Variants in SASH1 observed in about 807,000 individuals in gnomAD.
SASH1 encodes the protein SAM and SH3 domain containing 1.
Under a neutral mutation model 125.2 loss-of-function variants are expected in SASH1, and 44 were observed. The observed-to-expected ratio is 0.35, with a 90% CI of 0.28 to 0.45. The LOEUF is 0.45. Among genes scored for constraint, SASH1 ranks in the 20% least tolerant of loss-of-function variants. SASH1 has a pLI of 1.00. For missense variants in SASH1, 1,426 were observed against 1,614.5 expected (o/e 0.88, Z 2.00); for synonymous variants, 639 against 649.1 (o/e 0.98, Z 0.24).
chr6:148,536,261 A>C (rs540344976), intron 16 of SASH1, among the ~76,000 whole-genome samples: 1 of 152,176 alleles, frequency 6.6e-6, no homozygotes, highest in South Asian at 2.1e-4. Context: ...TATTGTCCCG[A>C]ACCACATCTG....
rs1227849391 is a variant in SASH1 at position 148,495,984 on chromosome 6, C to T, written c.729+8269C>T. On this transcript the variant is annotated intron_variant, in intron 8 of 19. Transcript: ENST00000367467. The surrounding 1 kb of genome is among the most constrained non-coding windows in gnomAD (Gnocchi z 4.0). ...CAGAGTAGCTGGGATTACAGGCGCA[C>T]GCCATCACGCCTGGCTAATTTTTTT... Among the ~76,000 whole-genome samples the T allele has an allele frequency of 4.0e-5, 6 of 151,322 alleles. No homozygotes were observed. Among genetic ancestry groups the T allele is most frequent in the Non-Finnish European group, 5.9e-5 (4 of 67,902 alleles).
chr6:148,426,658 G>C (rs1775837611), intron 2 of SASH1, among the ~76,000 whole-genome samples: 1 of 152,060 alleles, frequency 6.6e-6, no homozygotes, highest in Non-Finnish European at 1.5e-5. Flanking sequence ...GTGCGTGTCT[G>C]TTTCACTGTT....
intron 1 of SASH1, among the ~76,000 whole-genome samples, chr6:148,387,543 T>A (rs1405161902): frequency 6.9e-6 from 1 of 145,082 alleles, no homozygotes; most frequent in African/African-American, 2.6e-5. Context: ...TCTTTCTTTC[T>A]TTTCTTTTCC....
At chr6:148,520,772 T>C (rs1269068023) in intron 10 of SASH1, among the ~76,000 whole-genome samples, 1 of 152,184 alleles carries the variant, frequency 6.6e-6, no homozygotes, top group African/African-American at 2.4e-5. Context: ...AAAGAGATGC[T>C]TGCTCTTGGT....
chr6:148,397,953 G>A (rs796226584), intron 2 of SASH1, among the ~76,000 whole-genome samples: 29 of 152,298 alleles, frequency 1.9e-4, no homozygotes, highest in African/African-American at 6.7e-4. Flanking sequence ...CAGGAGTACA[G>A]AAGAGGGTCC....
chr6:148,261,159 C>A, the SASH1 span, among the ~76,000 whole-genome samples: 1 of 152,138 alleles, frequency 6.6e-6, no homozygotes, highest in Non-Finnish European at 1.5e-5. Flanking sequence ...TTGAGTTAAT[C>A]ACCATGAAGA....
chr6:148,440,704 G>A (rs2115004537), intron 4 of SASH1: 1 of 349,716 alleles, frequency 2.9e-6, no homozygotes, highest in Admixed American at 4.3e-5. Context: ...TAACCAAGAT[G>A]GATTTTCATC....
At chr6:148,514,583 T>G in intron 9 of SASH1, 127 bp downstream of exon 9, 475 of 1,005,110 alleles carry the variant, frequency 4.7e-4, no homozygotes, top group Non-Finnish European at 5.5e-4. Flanking sequence ...CATTGAGCTC[T>G]GGCTGAATCT....
chr6:148,233,671 G>A, the SASH1 span, among the ~76,000 whole-genome samples: 3 of 144,012 alleles, frequency 2.1e-5, no homozygotes, highest in South Asian at 6.6e-4. Context: ...AAAGAGGGAG[G>A]ATTGCTTGAG....
chr6:148,362,495 A>G (rs112839401), intron 1 of SASH1, among the ~76,000 whole-genome samples: 9 of 151,642 alleles, frequency 5.9e-5, no homozygotes, highest in African/African-American at 1.7e-4. Flanking sequence ...ACAAGGCCTC[A>G]GTCTAATGCC....
chr6:148,517,886 T>G (rs1398603739), intron 9 of SASH1, among the ~76,000 whole-genome samples: 1 of 152,186 alleles, frequency 6.6e-6, no homozygotes, highest in Admixed American at 6.5e-5. Context: ...CTGAAACCCC[T>G]TAGGACTGTG....
intron 1 of SASH1, among the ~76,000 whole-genome samples, chr6:148,275,250 T>C (rs1562301010): frequency 6.6e-6 from 1 of 152,200 alleles, no homozygotes; most frequent in African/African-American, 2.4e-5. Context: ...CTCAAGAGCA[T>C]TTTTAATATC....
At chr6:148,496,377 T>C (rs1385757473) in intron 8 of SASH1, among the ~76,000 whole-genome samples, 1 of 152,254 alleles carries the variant, frequency 6.6e-6, no homozygotes, top group Non-Finnish European at 1.5e-5. Context: ...CTTAGGCTCA[T>C]GTTCTTCAGT....
At chr6:148,345,860 G>T (rs185874109) in intron 1 of SASH1, among the ~76,000 whole-genome samples, 1 of 152,128 alleles carries the variant, frequency 6.6e-6, no homozygotes, top group Non-Finnish European at 1.5e-5. Context: ...ATGTCATGAC[G>T]CTCCATAGTT....
intron 2 of SASH1, among the ~76,000 whole-genome samples, chr6:148,425,219 C>T (rs1362823054): frequency 2.0e-5 from 3 of 152,122 alleles, no homozygotes; most frequent in Non-Finnish European, 4.4e-5. Flanking sequence ...ACTGCATGCA[C>T]AAGGCTGCAC....
At chr6:148,386,682 C>T (rs1362260533) in intron 1 of SASH1, among the ~76,000 whole-genome samples, 1 of 152,182 alleles carries the variant, frequency 6.6e-6, no homozygotes, top group African/African-American at 2.4e-5. Context: ...CATCACGTTC[C>T]TGAGACCAAG....
At chr6:148,319,098 TCTCGGCTCA>T (rs1380660158) in intron 1 of SASH1, among the ~76,000 whole-genome samples, 1 of 134,456 alleles carries the variant, frequency 7.4e-6, no homozygotes, top group Non-Finnish European at 1.5e-5. Context: ...AGTGGCGCGA[TCTCGGCTCA>T]CTGCAAGCTC....
the SASH1 span, among the ~76,000 whole-genome samples, chr6:148,264,862 T>C: frequency 6.6e-6 from 1 of 152,266 alleles, no homozygotes; most frequent in African/African-American, 2.4e-5. Flanking sequence ...GCTATTGTTT[T>C]ACTAATCTGT....
intron 8 of SASH1, 187 bp from the exon 9 acceptor site, chr6:148,514,137 A>C: frequency 7.3e-7 from 1 of 1,366,746 alleles, no homozygotes; most frequent in Non-Finnish European, 9.4e-7. Flanking sequence ...ACCTAATTCT[A>C]CGCCGATTTA....
Sources: gnomAD v4.1 joint callset for allele counts (sites outside exome capture counted in the v4.1 genomes callset) on GRCh38, gnomAD v4.1.1 for gene constraint, Gnocchi (gnomAD v3.1) non-coding constraint, MANE v1.5 for transcripts, NCBI Gene and HGNC (gene_info 2026-07-23, HGNC 2026-07-21) for gene names.